The following ZNF30 variants were observed in gnomAD, a reference collection of about 807,000 sequenced individuals.
The protein encoded by ZNF30 is zinc finger protein 30, also known as zinc finger protein 30 (KOX 28).
ZNF30 carries 15 observed loss-of-function variants against 13.2 expected under a neutral mutation model. That is an observed-to-expected ratio of 1.13 (90% CI 0.76 to 1.75). The LOEUF (loss-of-function observed/expected upper bound fraction) is 1.75, where lower values mean the gene tolerates loss of function less well. ZNF30 is among the 40% of genes most tolerant of loss of function. ZNF30 has a pLI of 0.00. For synonymous variants in ZNF30, 223 were observed against 256.6 expected (o/e 0.87, Z 1.25); for missense variants, 726 against 757.0 (o/e 0.96, Z 0.48).
chr19:34,926,867 G>A, upstream of ZNF30: 1 of 397,766 alleles, frequency 2.5e-6, no homozygotes, highest in Non-Finnish European at 4.4e-6. Context: ...CAGCCGGACG[G>A]GAGCGCCCAG....
chr19:34,932,605 T>C (rs1326342741), intron 3 of ZNF30, among the ~76,000 whole-genome samples: 1 of 152,144 alleles, frequency 6.6e-6, no homozygotes, highest in Non-Finnish European at 1.5e-5. Context: ...TAACTGATTT[T>C]TAACCTTACA....
At chr19:34,939,858 A>G (rs115525570) in intron 4 of ZNF30, among the ~76,000 whole-genome samples, 2,054 of 152,340 alleles carry the variant, frequency 0.013, 38 homozygotes, top group African/African-American at 0.047. Flanking sequence ...GGATGATGAG[A>G]CGGAAAAATG....
At chr19:34,935,700 G>GTTTTTTTTTTTTTTTTTTTTTTTTT (rs142285130) in intron 4 of ZNF30, among the ~76,000 whole-genome samples, 1 of 84,222 alleles carries the variant, frequency 1.2e-5, no homozygotes, top group Non-Finnish European at 2.2e-5. Context: ...GTTGTCTATA[G>GTTTTTTTTTTTTTTTTTTTTTTTTT]TTTTTTTTTT....
At chr19:34,934,281 A>G (rs1296095477) in intron 4 of ZNF30, among the ~76,000 whole-genome samples, 1 of 152,070 alleles carries the variant, frequency 6.6e-6, no homozygotes, top group Non-Finnish European at 1.5e-5. Context: ...TTTGTTTTTG[A>G]GTGAGACAGT....
In ZNF30 at chr19:34,944,363, G is replaced by C. The variant is rs771052118; in HGVS notation, c.1397G>C (p.Arg466Thr). ...YECKECGKAF[R>T]VHVHLTQHRK... is the part of the protein sequence containing the mutation. ...TGTAAGGAATGTGGCAAGGCCTTCA[G>C]AGTGCACGTACATCTCACACAGCAT... Residue 466 changes from arginine (R) to threonine (T), a missense_variant, in exon 5 of 5, where the codon AGA becomes ACA. Arg to Thr is a moderately conservative substitution (Grantham distance 71, BLOSUM62 -1). Coordinates refer to ENST00000601142, the MANE Select transcript of ZNF30 (RefSeq NM_194325.3). The C allele has an allele frequency of 2.5e-6, 4 of 1,614,182 alleles. No homozygotes were observed. The highest frequency in any genetic ancestry group is 2.2e-5 in the East Asian group (1 of 44,874).
In ZNF30 at chr19:34,927,850, C is replaced by T. The variant is rs535428928; in HGVS notation, c.-65+634C>T. ...TGTTTGTTTTTAAAGAAGAGTTGCTCTTAATTTTTTAGTTAGAATTAAAAG... is the reference window on the plus strand; with the variant it reads ...TGTTTGTTTTTAAAGAAGAGTTGCTTTTAATTTTTTAGTTAGAATTAAAAG... On this transcript the variant is annotated intron_variant, in intron 1 of 4. Coordinates refer to ENST00000601142, the MANE Select transcript of ZNF30 (RefSeq NM_194325.3). Among the ~76,000 whole-genome samples the T allele has an allele frequency of 1.8e-3, 278 of 152,192 alleles. 1 individual carries two copies. Among genetic ancestry groups the T allele is most frequent in the Non-Finnish European group, 1.4e-3 (95 of 67,994 alleles).
chr19:34,940,340 C>T (rs938208257), intron 4 of ZNF30, among the ~76,000 whole-genome samples: 2 of 152,144 alleles, frequency 1.3e-5, no homozygotes, highest in African/African-American at 4.8e-5. Flanking sequence ...GTCATTTCAA[C>T]CTCCAAAAGT....
chr19:34,934,053 T>C (rs548453736), intron 4 of ZNF30, among the ~76,000 whole-genome samples: 1 of 152,202 alleles, frequency 6.6e-6, no homozygotes, highest in East Asian at 1.9e-4. Context: ...CATATATTCT[T>C]AGACAGTAAT....
intron 3 of ZNF30, 43 bp downstream of exon 3, chr19:34,932,036 T>TGCAGATTTTAGGGCTAGCTTAAGAACTA: frequency 6.6e-7 from 1 of 1,506,510 alleles, no homozygotes; most frequent in Non-Finnish European, 8.8e-7. Flanking sequence ...TGCTCCCTGT[T>TGCAGATTTTAGGGCTAGCTTAAGAACTA]ATACTTTCTC....
intron 4 of ZNF30, among the ~76,000 whole-genome samples, chr19:34,941,489 T>C (rs1255394302): frequency 6.6e-6 from 1 of 152,258 alleles, no homozygotes; most frequent in Non-Finnish European, 1.5e-5. Flanking sequence ...GGTCTTGAAC[T>C]CCTGACTTCA....
At chr19:34,925,325 C>T (rs1301996433), upstream of ZNF30, among the ~76,000 whole-genome samples, 1 of 152,216 alleles carries the variant, frequency 6.6e-6, no homozygotes, top group East Asian at 1.9e-4. Flanking sequence ...CACACATGGG[C>T]TTGGAGGATG....
upstream of ZNF30, among the ~76,000 whole-genome samples, chr19:34,924,121 G>A (rs1020223764): frequency 1.3e-4 from 19 of 151,958 alleles, no homozygotes; most frequent in African/African-American, 3.6e-4. Context: ...TACCTCTGAC[G>A]ATTAAACACC....
intron 1 of ZNF30, among the ~76,000 whole-genome samples, chr19:34,927,725 T>A (rs2012151905): frequency 6.6e-6 from 1 of 152,204 alleles, no homozygotes; most frequent in Non-Finnish European, 1.5e-5. Flanking sequence ...TTAAGGTTCT[T>A]CAATTTTGCA....
chr19:34,944,227 A>T lies in ZNF30; in HGVS notation c.1261A>T (p.Ile421Phe). 2 of 1,613,822 alleles carry T rather than the reference A, an allele frequency of 1.2e-6. No individual in the cohort carries two copies. Among genetic ancestry groups the T allele is most frequent in the Non-Finnish European group, 1.7e-6 (2 of 1,179,952 alleles). ...TGSYLVQHQR[I>F]HTGEKPYECK... The stretch of plus-strand genomic sequence containing the variant: ...CTCATACCTTGTTCAGCATCAGAGG[A>T]TCCATACTGGGGAGAAACCCTATGA... The change falls in exon 5 of 5, where the codon ATC becomes TTC. Residue 421 changes from isoleucine (I) to phenylalanine (F), a missense_variant. Transcript: ENST00000601142.
intron 2 of ZNF30, 129 bp from the exon 3 acceptor site, chr19:34,931,714 C>G: frequency 1.2e-6 from 1 of 836,130 alleles, no homozygotes; most frequent in South Asian, 1.9e-5. Flanking sequence ...ATGCAGATAC[C>G]ATGCTCATCC....
chr19:34,943,547 A>G lies in ZNF30; in HGVS notation c.581A>G (p.His194Arg). 2 of 1,613,766 alleles carry G rather than the reference A, an allele frequency of 1.2e-6. No individual in the cohort carries two copies. Among genetic ancestry groups the G allele is most frequent in the East Asian group, 2.2e-5 (1 of 44,888 alleles). Residue 194 changes from histidine to arginine, a missense_variant, in exon 5 of 5, where the codon CAT (histidine) becomes CGT (arginine). By Grantham distance (29) the His-to-Arg change is conservative. Transcript: ENST00000601142. ...ATCAGTGGCTCAGCCTTTGTTAAGC[A>G]TGGGAGAATTCACACTGGTGAGAAG... ...AFISGSAFVK[H>R]GRIHTGEKPL...
upstream of ZNF30, among the ~76,000 whole-genome samples, chr19:34,926,509 A>G (rs1338382920): frequency 6.6e-6 from 1 of 152,224 alleles, no homozygotes; most frequent in Non-Finnish European, 1.5e-5. Context: ...AAATTCCTGT[A>G]TCAGAGGACA....
chr19:34,934,279 T>C (rs1461804468), intron 4 of ZNF30, among the ~76,000 whole-genome samples: 1 of 152,188 alleles, frequency 6.6e-6, no homozygotes, highest in Non-Finnish European at 1.5e-5. Flanking sequence ...GTTTTGTTTT[T>C]GAGTGAGACA....
chr19:34,926,356 G>C (rs2012073537), upstream of ZNF30, among the ~76,000 whole-genome samples: 1 of 152,130 alleles, frequency 6.6e-6, no homozygotes, highest in Non-Finnish European at 1.5e-5. Context: ...TCTCCTAAAC[G>C]TATGATGGGA....
Sources: allele counts gnomAD v4.1 joint callset (sites outside exome capture counted in the v4.1 genomes callset), GRCh38; gene constraint gnomAD v4.1.1; transcripts MANE v1.5; gene names NCBI Gene and HGNC (gene_info 2026-07-23, HGNC 2026-07-21).